Variants in DHX57 observed in about 807,000 individuals in gnomAD.
The protein encoded by DHX57 is putative ATP-dependent RNA helicase DHX57.
In DHX57, 105 loss-of-function variants were observed where a neutral mutation model predicts 156.2. That is an observed-to-expected ratio of 0.67 (90% CI 0.57 to 0.79). DHX57 has a LOEUF of 0.79. Among genes scored for constraint, DHX57 ranks in the 30% least tolerant of loss-of-function variants. The pLI, the probability that DHX57 is intolerant of heterozygous loss-of-function variation, is 0.00. For missense variants in DHX57, 1,847 were observed against 1,661.9 expected (o/e 1.11, Z -1.94); for synonymous variants, 704 against 595.6 (o/e 1.18, Z -2.65).
At chr2:38,839,449 T>G (rs1671861820) in intron 12 of DHX57, among the ~76,000 whole-genome samples, 1 of 151,434 alleles carries the variant, frequency 6.6e-6, no homozygotes, top group Non-Finnish European at 1.5e-5. Flanking sequence ...CGGTGGCTCA[T>G]GCCTGTAATC....
At chr2:38,839,023 C>G (rs1671837775) in intron 12 of DHX57, among the ~76,000 whole-genome samples, 1 of 151,356 alleles carries the variant, frequency 6.6e-6, no homozygotes, top group Non-Finnish European at 1.5e-5. Context: ...CCTCCACCTC[C>G]CGGATTCAAG....
intron 12 of DHX57, among the ~76,000 whole-genome samples, chr2:38,839,036 A>G (rs996807132): frequency 6.6e-6 from 1 of 151,692 alleles, no homozygotes. Flanking sequence ...GATTCAAGCG[A>G]TTCTCCTGCC....
chr2:38,800,120 G>A (rs376742343), intron 23 of DHX57, among the ~76,000 whole-genome samples: 125 of 151,228 alleles, frequency 8.3e-4, no homozygotes, highest in African/African-American at 2.7e-3. Context: ...GGGAGGCAGA[G>A]GCTGTGGTGA....
At chr2:38,854,013 T>C (rs745459480) in intron 9 of DHX57, 41 bp downstream of exon 9, 1 of 1,560,736 alleles carries the variant, frequency 6.4e-7, no homozygotes, top group Non-Finnish European at 8.7e-7. Flanking sequence ...ATGCCTTCAA[T>C]TCAGGTGAGT....
At chr2:38,841,851 G>T (rs575714437) in intron 12 of DHX57, among the ~76,000 whole-genome samples, 3 of 152,192 alleles carry the variant, frequency 2.0e-5, no homozygotes, top group Non-Finnish European at 4.4e-5. Context: ...GTCTGGCATG[G>T]GAGGAGGAAG....
At position 38,858,761 on chromosome 2, in the gene DHX57, T is replaced by C. The variant is rs750027733; in HGVS notation, c.1487A>G (p.Tyr496Cys). ...PAPVIVENES[Y>C]VNLKKKISKR... Reference sequence around the variant, plus strand: ...GGAAATCTTTTTCTTAAGGTTCACATAGCTTTCATTCTCTACTATAACAGG... The same window carrying C: ...GGAAATCTTTTTCTTAAGGTTCACACAGCTTTCATTCTCTACTATAACAGG... The change falls in exon 6 of 24, where the codon TAT becomes TGT. Residue 496 changes from tyrosine (Y) to cysteine (C), a missense_variant. By Grantham distance (194) the Tyr-to-Cys change is radical. Transcript: ENST00000457308. 2.5e-6 allele frequency: 4 copies of C among 1,614,184 alleles called. No individual in the cohort carries two copies. The highest frequency in any genetic ancestry group is 1.6e-4 in the Middle Eastern group (1 of 6,062).
Position 38,802,986 on chromosome 2 carries a change from A to C in DHX57, c.3817-71T>G, listed in dbSNP as rs1034151365. 18 of 1,559,270 alleles carry C rather than the reference A, an allele frequency of 1.2e-5. No individual in the cohort carries two copies. In the African/African-American group the frequency reaches 2.4e-4, roughly 21 times the overall value. ...AAAAAGGGAACAACCCCCCAGTCCC[A>C]CGGATTTAAATACTGCCTATTAATG... On this transcript the variant is annotated intron_variant, in intron 22 of 23. Transcript: ENST00000457308.
chr2:38,832,382 G>A (rs921069370), intron 13 of DHX57, among the ~76,000 whole-genome samples: 1 of 152,046 alleles, frequency 6.6e-6, no homozygotes, highest in African/African-American at 2.4e-5. Context: ...GGAAGTTGCA[G>A]AGCCGAGATT....
chr2:38,798,955 A>G (rs1177915587), intron 23 of DHX57, among the ~76,000 whole-genome samples: 1 of 151,950 alleles, frequency 6.6e-6, no homozygotes, highest in African/African-American at 2.4e-5. Flanking sequence ...CTGCTCCCCA[A>G]AAAAGAAAAG....
At chr2:38,803,489 A>ATT (rs57123362) in intron 22 of DHX57, among the ~76,000 whole-genome samples, 1 of 144,382 alleles carries the variant, frequency 6.9e-6, no homozygotes, top group African/African-American at 2.5e-5. Context: ...CAGCTAACAA[A>ATT]TTTTTTTTTT....
intron 17 of DHX57, among the ~76,000 whole-genome samples, chr2:38,822,318 T>G (rs963356365): frequency 1.3e-5 from 2 of 152,088 alleles, no homozygotes; most frequent in African/African-American, 2.4e-5. Context: ...TGACTTCAGG[T>G]GATCCACCTG....
intron 2 of DHX57, chr2:38,867,313 T>C (rs893824898): frequency 2.0e-5 from 3 of 152,248 alleles, no homozygotes; most frequent in Non-Finnish European, 4.4e-5. Context: ...CACTAAGTGA[T>C]GCCTAATTGT....
intron 12 of DHX57, among the ~76,000 whole-genome samples, chr2:38,839,165 C>A (rs1285859195): frequency 6.6e-6 from 1 of 151,536 alleles, no homozygotes; most frequent in Non-Finnish European, 1.5e-5. Context: ...CTCCTAACCT[C>A]GTGATCCACC....
intron 14 of DHX57, 57 bp downstream of exon 14, chr2:38,828,283 A>C (rs1181718858): frequency 3.0e-6 from 4 of 1,338,910 alleles, no homozygotes; most frequent in African/African-American, 1.5e-5. Context: ...GAGGGTGATG[A>C]TATCTTTAGA....
rs139126596 is a variant in DHX57, at chr2:38,854,481, C to T, written c.1906-303G>A. 2.1e-3 allele frequency: 406 copies of T among 192,060 alleles called. 3 individuals are homozygous for T. The highest frequency in any genetic ancestry group is 9.2e-3 in the African/African-American group (389 of 42,108). The allele number at this position is 192,060 out of a possible 1,614,324, so 11.9% of individuals were successfully genotyped here. A position where few individuals can be genotyped will look rare whatever the true frequency, so the allele number is the denominator to read the frequency against. ...TTATGTCCCAAGTTCAAGAGCAAAA[C>T]AGTCTTTACTAGATGACTTCTGCCA... On this transcript the variant is annotated intron_variant, in intron 8 of 23. Coordinates refer to ENST00000457308, the MANE Select transcript of DHX57 (RefSeq NM_198963.3).
chr2:38,820,035 AG>A (rs551231692), intron 17 of DHX57, among the ~76,000 whole-genome samples: 206 of 152,342 alleles, frequency 1.4e-3, no homozygotes, highest in Middle Eastern at 0.01. Flanking sequence ...CATGAGCTGC[AG>A]TAGTTTCTCA....
intron 14 of DHX57, among the ~76,000 whole-genome samples, chr2:38,827,513 T>A (rs372776994): frequency 0.21 from 3,554 of 16,796 alleles, 480 homozygotes; most frequent in Non-Finnish European, 0.45. Flanking sequence ...AAAATATATA[T>A]ATATATATAT....
At chr2:38,870,059 T>C (rs1452902508) in intron 1 of DHX57, among the ~76,000 whole-genome samples, 1 of 152,036 alleles carries the variant, frequency 6.6e-6, no homozygotes, top group East Asian at 1.9e-4. Context: ...AAAAGTATAC[T>C]AATTGAAATT....
chr2:38,868,318 C>A lies in DHX57; in HGVS notation c.88G>T (p.Ala30Ser), dbSNP rs750516749. ...CCACCACTCCCATGAGATTTACTGG[C>A]GTGACTCCTGCCTCCTCTTCCTCCT... ...SRGGRGGRSH[A>S]SKSHGSGGGG... The change falls in exon 2 of 24, where the codon GCC becomes TCC. Residue 30 changes from alanine to serine, a missense_variant. Ala to Ser is a moderately conservative substitution (Grantham distance 99, BLOSUM62 1). Coordinates refer to ENST00000457308, the MANE Select transcript of DHX57 (RefSeq NM_198963.3). 3.1e-6 allele frequency: 5 copies of A among 1,613,080 alleles called. No individual in the cohort carries two copies. The highest frequency in any genetic ancestry group is 1.6e-4 in the Middle Eastern group (1 of 6,082).
Sources: gnomAD v4.1 joint callset for allele counts (sites outside exome capture counted in the v4.1 genomes callset) on GRCh38, gnomAD v4.1.1 for gene constraint, MANE v1.5 for transcripts, NCBI Gene and HGNC (gene_info 2026-07-23, HGNC 2026-07-21) for gene names.